The following A1CF variants were observed in gnomAD, a reference collection of about 807,000 sequenced individuals.
The protein encoded by A1CF is APOBEC-1 stimulating protein.
A1CF carries 48 observed loss-of-function variants against 68.9 expected under a neutral mutation model. The observed-to-expected ratio is 0.70, with a 90% confidence interval of 0.55 to 0.89. A1CF has a LOEUF of 0.89. A1CF is among the 40% of genes least tolerant of loss of function. A1CF has a pLI of 0.00. For synonymous variants in A1CF, 272 were observed against 260.4 expected, an observed-to-expected ratio of 1.04 and a Z score of -0.43; for missense variants, 653 against 718.9, an observed-to-expected ratio of 0.91 and a Z score of 1.05.
Position 50,809,887 on chromosome 10 carries a change from C to T in A1CF, c.1609+7G>A. The T allele has an allele frequency of 6.2e-7, 1 of 1,613,754 alleles. No individual in the cohort carries two copies. Among genetic ancestry groups the T allele is most frequent in the Non-Finnish European group, 8.5e-7 (1 of 1,179,826 alleles). ...AGGGCGCCATTTCTGGCACAATTTT[C>T]CCATACCTGGGAAAGCAGTAGCAGC... On this transcript the variant is annotated splice_region_variant and intron_variant, in intron 12 of 12. Coordinates refer to ENST00000373997, the MANE Select transcript of A1CF (RefSeq NM_014576.4).
Position 50,859,944 on chromosome 10 carries a change from G to A in A1CF, c.-4C>T. 6.2e-7 allele frequency: 1 copy of A among 1,613,298 alleles called. No individual in the cohort carries two copies. The highest frequency in any genetic ancestry group is 2.2e-5 in the East Asian group (1 of 44,848). ...CGGATTTGTGATTTGATTCCATTGAGAGTGATTATCAGCAAAAAATCAGGT... is the reference window on the plus strand; with the variant it reads ...CGGATTTGTGATTTGATTCCATTGAAAGTGATTATCAGCAAAAAATCAGGT... On this transcript the variant is annotated 5_prime_UTR_variant, in exon 3 of 13. Coordinates refer to ENST00000373997, the MANE Select transcript of A1CF (RefSeq NM_014576.4).
chr10:50,861,612 CTAA>C (rs1273753067), intron 2 of A1CF, among the ~76,000 whole-genome samples: 1 of 147,498 alleles, frequency 6.8e-6, no homozygotes, highest in Non-Finnish European at 1.5e-5. Context: ...ACCAATATTA[CTAA>C]TAACACTAGT....
At chr10:50,852,844 G>A (rs1327995665) in intron 3 of A1CF, among the ~76,000 whole-genome samples, 1 of 152,044 alleles carries the variant, frequency 6.6e-6, no homozygotes, top group Non-Finnish European at 1.5e-5. Flanking sequence ...TTATTTATAG[G>A]AAAAAATGCC....
At chr10:50,840,850 A>G (rs1053715134) in intron 5 of A1CF, among the ~76,000 whole-genome samples, 4 of 152,160 alleles carry the variant, frequency 2.6e-5, no homozygotes, top group African/African-American at 9.7e-5. Flanking sequence ...TTTCCATTGC[A>G]ATGGCACTAA....
chr10:50,818,567 T>A (rs1049610364), intron 8 of A1CF, among the ~76,000 whole-genome samples: 1 of 152,184 alleles, frequency 6.6e-6, no homozygotes, highest in Non-Finnish European at 1.5e-5. Context: ...CCAGCAATCA[T>A]CATGTATACT....
intron 1 of A1CF, among the ~76,000 whole-genome samples, chr10:50,864,386 G>T (rs903486827): frequency 6.6e-6 from 1 of 152,124 alleles, no homozygotes; most frequent in Non-Finnish European, 1.5e-5. Context: ...ACTCCTCCTT[G>T]TATAATTTCC....
chr10:50,854,264 T>A (rs1293538544), intron 3 of A1CF, among the ~76,000 whole-genome samples: 1 of 152,032 alleles, frequency 6.6e-6, no homozygotes, highest in African/African-American at 2.4e-5. Context: ...ATGTGAATAA[T>A]TTTTTAAAAT....
chr10:50,836,590 G>A lies in A1CF; in HGVS notation c.366-278C>T, dbSNP rs137858374. ...GTTCTAGGGTACATGTGCACAACAT[G>A]CAGGTTTGTTACATATGTATACATG... On this transcript the variant is annotated intron_variant, in intron 5 of 12. Transcript: ENST00000373997. Among the ~76,000 whole-genome samples the A allele has an allele frequency of 2.6e-5, 4 of 151,966 alleles. No homozygotes were observed. The East Asian group carries it at 7.7e-4, about 29-fold the overall frequency.
intron 1 of A1CF, among the ~76,000 whole-genome samples, chr10:50,877,595 A>G (rs770424213): frequency 9.2e-5 from 14 of 152,228 alleles, no homozygotes; most frequent in Non-Finnish European, 1.9e-4. Flanking sequence ...TTTAAAAGCC[A>G]TATTATATTT....
chr10:50,836,752 AT>A (rs1164834657), intron 5 of A1CF, among the ~76,000 whole-genome samples: 3 of 133,718 alleles, frequency 2.2e-5, no homozygotes, highest in African/African-American at 5.7e-5. Context: ...AAGTGTTCTC[AT>A]TGTTCAATTC....
intron 6 of A1CF, among the ~76,000 whole-genome samples, chr10:50,832,822 T>G (rs962290735): frequency 1.3e-5 from 2 of 152,132 alleles, no homozygotes; most frequent in African/African-American, 4.8e-5. Context: ...GTATGTATAG[T>G]TTTCTCAGAA....
intron 1 of A1CF, among the ~76,000 whole-genome samples, chr10:50,874,397 G>A (rs539993600): frequency 3.3e-5 from 5 of 152,012 alleles, no homozygotes; most frequent in Non-Finnish European, 5.9e-5. Flanking sequence ...TATCTGTTTC[G>A]AAAGACATTT....
At chr10:50,832,933 TAATA>T (rs1480443026) in intron 6 of A1CF, among the ~76,000 whole-genome samples, 1 of 152,162 alleles carries the variant, frequency 6.6e-6, no homozygotes, top group African/African-American at 2.4e-5. Context: ...TCTAGATGCT[TAATA>T]AATATTTACT....
At chr10:50,811,285 G>A in intron 10 of A1CF, 109 bp from the exon 11 acceptor site, 1 of 1,083,248 alleles carries the variant, frequency 9.2e-7, no homozygotes, top group African/African-American at 1.6e-5. Context: ...AGTATCTGAA[G>A]ACATAAAATG....
chr10:50,837,547 A>G (rs1839560400), intron 5 of A1CF, among the ~76,000 whole-genome samples: 1 of 152,214 alleles, frequency 6.6e-6, no homozygotes, highest in African/African-American at 2.4e-5. Context: ...TGAGCAAAAT[A>G]CCTCACGGTA....
chr10:50,859,995 A>T lies in A1CF; in HGVS notation c.-45-10T>A. On this transcript the variant is annotated splice_polypyrimidine_tract_variant and intron_variant, in intron 2 of 12. Transcript: ENST00000373997. ...TAATTAGGGTTGCTCACTGAAACCAAATTTAAGATAAATTAAGTAAATTAC... is the reference window on the plus strand; with the variant it reads ...TAATTAGGGTTGCTCACTGAAACCATATTTAAGATAAATTAAGTAAATTAC... 7.2e-7 allele frequency: 1 copy of T among 1,390,496 alleles called. No homozygotes were observed. The highest frequency in any genetic ancestry group is 1.0e-6 in the Non-Finnish European group (1 of 979,908). The allele number at this position is 1,390,496 out of a possible 1,614,324, so 86.1% of individuals were successfully genotyped here.
chr10:50,862,252 G>C (rs1433186310), intron 2 of A1CF, among the ~76,000 whole-genome samples: 1 of 151,984 alleles, frequency 6.6e-6, no homozygotes, highest in Non-Finnish European at 1.5e-5. Flanking sequence ...TGTAATCCCA[G>C]CTACTTGGGA....
At chr10:50,858,816 T>C (rs1244104054) in intron 3 of A1CF, among the ~76,000 whole-genome samples, 1 of 152,102 alleles carries the variant, frequency 6.6e-6, no homozygotes, top group African/African-American at 2.4e-5. Context: ...AGTATCTCCA[T>C]GGACTTAAGT....
rs1409804493 is a variant in A1CF, at chr10:50,811,762, G to GT, written c.1324-587dup. 2.6e-4 allele frequency among the ~76,000 whole-genome samples: 40 copies of GT among 152,122 alleles called. 1 individual carries two copies. The highest frequency in any genetic ancestry group is 8.5e-4 in the Admixed American group (13 of 15,276). On this transcript the variant is annotated intron_variant, in intron 10 of 12. Transcript: ENST00000373997. ...TTCTGCCTTTTTTGTTTGTTTGTTT[G>GT]TTTTTTTGCTTAATGACAATATGCT...
Sources: gnomAD v4.1 joint callset for allele counts (sites outside exome capture counted in the v4.1 genomes callset) on GRCh38, gnomAD v4.1.1 for gene constraint, MANE v1.5 for transcripts, NCBI Gene and HGNC (gene_info 2026-07-23, HGNC 2026-07-21) for gene names.